ZFPM1: variants seen among roughly 807,000 people sequenced by gnomAD.
ZFPM1 encodes the protein zinc finger protein ZFPM1.
In ZFPM1, 28 loss-of-function variants were observed where a neutral mutation model predicts 46.3. That is an observed-to-expected ratio of 0.60 (90% CI 0.45 to 0.83). The LOEUF (loss-of-function observed/expected upper bound fraction) is 0.83, where lower values mean the gene tolerates loss of function less well. Among genes scored for constraint, ZFPM1 ranks in the 40% least tolerant of loss-of-function variants. The probability of loss-of-function intolerance (pLI) is 0.00; values close to 1 mark genes in which losing one functional copy is unlikely to be tolerated. For synonymous variants in ZFPM1, 957 were observed against 675.9 expected, an observed-to-expected ratio of 1.42 and a Z score of -6.45; for missense variants, 1,878 against 1,432.4, an observed-to-expected ratio of 1.31 and a Z score of -5.02.
chr16:88,476,208 G>A (rs985491656), intron 1 of ZFPM1, among the ~76,000 whole-genome samples: 2 of 152,144 alleles, frequency 1.3e-5, no homozygotes, highest in South Asian at 2.1e-4. Flanking sequence ...GGCCCCTCGC[G>A]GGAACCAACC....
intron 3 of ZFPM1, among the ~76,000 whole-genome samples, chr16:88,506,675 A>T (rs1282614279): frequency 6.6e-6 from 1 of 151,560 alleles, no homozygotes; most frequent in Non-Finnish European, 1.5e-5. Context: ...CCATTTCTCT[A>T]CCCATCCTGG....
At chr16:88,491,914 G>A (rs1255756924) in intron 3 of ZFPM1, among the ~76,000 whole-genome samples, 5 of 152,298 alleles carry the variant, frequency 3.3e-5, no homozygotes, top group East Asian at 1.9e-4. Flanking sequence ...GGGGCGGCCC[G>A]TGCGTCGATG....
intron 6 of ZFPM1, among the ~76,000 whole-genome samples, chr16:88,528,978 AATC>A (rs1315601595): frequency 6.6e-6 from 1 of 152,140 alleles, no homozygotes; most frequent in African/African-American, 2.4e-5. Context: ...TGGCTGCGGG[AATC>A]ATGAGTCACT....
At chr16:88,527,553 G>A (rs530426212) in intron 5 of ZFPM1, among the ~76,000 whole-genome samples, 5 of 152,132 alleles carry the variant, frequency 3.3e-5, no homozygotes, top group South Asian at 4.1e-4. Flanking sequence ...GGGCGGCACC[G>A]CAGGGGACAC....
Position 88,489,002 on chromosome 16 carries a change from GGGATGTGAC to G in ZFPM1, c.146-26_146-18del. The stretch of plus-strand genomic sequence containing the variant: ...GCAGCTCAGTGCCCGGCACTCAGCA[GGGATGTGAC>G]GGTGTTTTCCTCTCTGCAGATGTTA... On this transcript the variant is annotated intron_variant, in intron 2 of 9. Transcript: ENST00000319555. The G allele has an allele frequency of 6.2e-7, 1 of 1,604,970 alleles. No homozygotes were observed. The highest frequency in any genetic ancestry group is 8.5e-7 in the Non-Finnish European group (1 of 1,174,506).
At position 88,528,291 on chromosome 16, in the gene ZFPM1, G is replaced by A. The variant is rs938512604; in HGVS notation, c.712+53G>A. On this transcript the variant is annotated intron_variant, in intron 6 of 9. Transcript: ENST00000319555. ...GCGGCTGCTCCACCAAGGAGGAGCA[G>A]GCAGGGCAGGAGAGGGTGGGAGCTG... 50 of 1,522,746 alleles carry A rather than the reference G, an allele frequency of 3.3e-5. No homozygotes were observed. In the African/African-American group the frequency reaches 6.1e-4, roughly 19 times the overall value. 94.3% of individuals were successfully genotyped at this position (1,522,746 alleles called of 1,614,324 possible). A position where few individuals can be genotyped will look rare whatever the true frequency, so the allele number is the denominator to read the frequency against.
rs74032895 is a variant in ZFPM1, at chr16:88,484,579, G to A, written c.41-1360G>A. ...GGCCCCTCCCACTCCTGAGTGTGTCGGGAGGCTCTGCCCCCATCGTGCTTC... is the reference window on the plus strand; with the variant it reads ...GGCCCCTCCCACTCCTGAGTGTGTCAGGAGGCTCTGCCCCCATCGTGCTTC... On this transcript the variant is annotated intron_variant, in intron 1 of 9. Transcript: ENST00000319555. 1.1e-3 allele frequency among the ~76,000 whole-genome samples: 170 copies of A among 152,294 alleles called. 2 individuals are homozygous for A. Among genetic ancestry groups the A allele is most frequent in the African/African-American group, 3.8e-3 (157 of 41,556 alleles).
At chr16:88,505,635 A>T (rs1455758219) in intron 3 of ZFPM1, among the ~76,000 whole-genome samples, 1 of 152,018 alleles carries the variant, frequency 6.6e-6, no homozygotes, top group Non-Finnish European at 1.5e-5. Flanking sequence ...CTGAGGCATC[A>T]CCATACCTGG....
chr16:88,486,081 G>T (rs368718254), intron 2 of ZFPM1, 38 bp downstream of exon 2: 1 of 1,577,524 alleles, frequency 6.3e-7, no homozygotes, highest in Non-Finnish European at 8.6e-7. Context: ...GCCTCCAGCC[G>T]GGGCCTCCAT....
chr16:88,474,245 G>A (rs899745773), intron 1 of ZFPM1, among the ~76,000 whole-genome samples: 14 of 152,184 alleles, frequency 9.2e-5, no homozygotes, highest in African/African-American at 2.7e-4. Context: ...TGCCCCTGGG[G>A]ACACGGGTGG....
rs980298699 is a variant in ZFPM1 at position 88,497,807 on chromosome 16, G to C, written c.268+8654G>C. ...CCCGAGGCTGGGAATCCTCACCCGA[G>C]TGTGTGAGGGCGTCGGGCTGGTTAT... On this transcript the variant is annotated intron_variant, in intron 3 of 9. Transcript: ENST00000319555. The surrounding 1 kb of genome is among the most constrained non-coding windows in gnomAD (Gnocchi z 5.4). Among the ~76,000 whole-genome samples the C allele has an allele frequency of 1.3e-5, 2 of 152,198 alleles. No homozygotes were observed. Among genetic ancestry groups the C allele is most frequent in the Non-Finnish European group, 2.9e-5 (2 of 68,032 alleles).
chr16:88,515,121 C>T (rs180940514), intron 4 of ZFPM1, among the ~76,000 whole-genome samples: 6 of 152,326 alleles, frequency 3.9e-5, no homozygotes, highest in Non-Finnish European at 7.3e-5. Context: ...CGGTTTCCTC[C>T]GAAGAGGGTA....
intron 1 of ZFPM1, among the ~76,000 whole-genome samples, chr16:88,457,190 G>C (rs1465600086): frequency 6.6e-6 from 1 of 152,240 alleles, no homozygotes; most frequent in Non-Finnish European, 1.5e-5. Flanking sequence ...GAGGGAGATG[G>C]GGTGGTTTCT....
chr16:88,486,279 C>T (rs951990634), intron 2 of ZFPM1, among the ~76,000 whole-genome samples: 1 of 152,232 alleles, frequency 6.6e-6, no homozygotes, highest in African/African-American at 2.4e-5. Context: ...AAATCCAGCC[C>T]TCATACAAAT....
At chr16:88,465,179 C>T (rs947625354) in intron 1 of ZFPM1, among the ~76,000 whole-genome samples, 3 of 152,194 alleles carry the variant, frequency 2.0e-5, no homozygotes, top group Non-Finnish European at 2.9e-5. Flanking sequence ...ACCCCGTGTC[C>T]GGAGGTGCAG....
Position 88,454,286 on chromosome 16 carries a change from C to G in ZFPM1, c.40+608C>G, listed in dbSNP as rs192319795. ...AGGGGAGGGGGTAGCGCGCAGCTGC[C>G]GCAGCCTAGGCACTTGGCTCCAGCC... is the stretch of plus-strand genomic sequence containing the variant. On this transcript the variant is annotated intron_variant, in intron 1 of 9. Coordinates refer to ENST00000319555, the MANE Select transcript of ZFPM1 (RefSeq NM_153813.3). Among the ~76,000 whole-genome samples, 808 of 152,302 alleles carry G rather than the reference C, an allele frequency of 5.3e-3. 3 individuals are homozygous for G. Among genetic ancestry groups the G allele is most frequent in the Middle Eastern group, 0.014 (4 of 294 alleles).
At chr16:88,466,569 C>G (rs1175219875) in intron 1 of ZFPM1, among the ~76,000 whole-genome samples, 1 of 152,200 alleles carries the variant, frequency 6.6e-6, no homozygotes, top group Non-Finnish European at 1.5e-5. Flanking sequence ...GGCTGAGGGC[C>G]GCACAGCCCA....
chr16:88,533,765 CGCCGTGCGCCCGAGGACGCGCCT>C lies in ZFPM1; in HGVS notation c.1812_1834del (p.Pro606GlnfsTer58). 7.0e-7 allele frequency: 1 copy of C among 1,424,570 alleles called. No homozygotes were observed. The highest frequency in any genetic ancestry group is 9.3e-7 in the Non-Finnish European group (1 of 1,079,516). 88.2% of individuals were successfully genotyped at this position (1,424,570 alleles called of 1,614,324 possible). A position where few individuals can be genotyped will look rare whatever the true frequency, so the allele number is the denominator to read the frequency against. Reference sequence around the variant, plus strand: ...GCACAAGCGCCTCTACTGTTCAGGCCGCCGTGCGCCCGAGGACGCGCCTGCCGCGCGCAGGCCCAAGGCGCCCC... The same window carrying C: ...GCACAAGCGCCTCTACTGTTCAGGCCGCCGCGCGCAGGCCCAAGGCGCCCC... On this transcript the variant is annotated frameshift_variant, in exon 10 of 10. Transcript: ENST00000319555. LOFTEE classifies it low-confidence loss of function (END_TRUNC).
chr16:88,526,107 A>G (rs1350418605), intron 4 of ZFPM1, among the ~76,000 whole-genome samples: 1 of 152,184 alleles, frequency 6.6e-6, no homozygotes, highest in Non-Finnish European at 1.5e-5. Flanking sequence ...TCAGGCCCAC[A>G]GGAAGGGGCC....
Sources: allele counts gnomAD v4.1 joint callset (sites outside exome capture counted in the v4.1 genomes callset), GRCh38; gene constraint gnomAD v4.1.1; non-coding constraint Gnocchi (gnomAD v3.1); transcripts MANE v1.5; gene names NCBI Gene and HGNC (gene_info 2026-07-23, HGNC 2026-07-21).